The following AMBRA1 variants were observed in gnomAD, a reference collection of about 807,000 sequenced individuals.
AMBRA1 encodes autophagy and beclin 1 regulator 1, also known as activating molecule in BECN1-regulated autophagy protein 1.
AMBRA1 carries 47 observed loss-of-function variants against 125.4 expected under a neutral mutation model. The observed-to-expected ratio is 0.37, with a 90% CI of 0.30 to 0.48. AMBRA1 has a LOEUF of 0.48. Among genes scored for constraint, AMBRA1 ranks in the 20% least tolerant of loss-of-function variants. The pLI is 0.99. For synonymous variants in AMBRA1, 626 were observed against 655.5 expected, an observed-to-expected ratio of 0.95 and a Z score of 0.69; for missense variants, 1,331 against 1,693.4, an observed-to-expected ratio of 0.79 and a Z score of 3.76.
intron 1 of AMBRA1, chr11:46,591,002 C>G (rs1364052821): frequency 1.3e-5 from 2 of 152,144 alleles, no homozygotes. Context: ...TTGATAAGCT[C>G]TATCCCTGTA....
chr11:46,400,760 T>C (rs1173540295), intron 17 of AMBRA1, among the ~76,000 whole-genome samples: 1 of 152,042 alleles, frequency 6.6e-6, no homozygotes, highest in Non-Finnish European at 1.5e-5. Context: ...ATGCTGGGAT[T>C]ACATGGGTGA....
chr11:46,466,381 A>C (rs1363897066), intron 11 of AMBRA1, among the ~76,000 whole-genome samples: 1 of 151,434 alleles, frequency 6.6e-6, no homozygotes. Flanking sequence ...GTATCTAACG[A>C]GGAGACCAAC....
chr11:46,545,898 C>G, intron 4 of AMBRA1, 122 bp from the exon 5 acceptor site: 1 of 849,360 alleles, frequency 1.2e-6, no homozygotes, highest in Non-Finnish European at 1.8e-6. Context: ...TTAAATACAT[C>G]CTCTGTAAAA....
intron 1 of AMBRA1, among the ~76,000 whole-genome samples, chr11:46,584,328 A>T (rs1415283644): frequency 5.7e-5 from 8 of 139,944 alleles, no homozygotes; most frequent in African/African-American, 2.2e-4. Flanking sequence ...AGCAATGAGA[A>T]CACATGGACA....
At chr11:46,409,802 C>T (rs1027223124) in intron 16 of AMBRA1, among the ~76,000 whole-genome samples, 1 of 152,220 alleles carries the variant, frequency 6.6e-6, no homozygotes, top group African/African-American at 2.4e-5. Flanking sequence ...ATCAACAACC[C>T]AGCGCTTTGT....
intron 1 of AMBRA1, among the ~76,000 whole-genome samples, chr11:46,573,658 TTTTTC>T (rs1407001420): frequency 7.3e-6 from 1 of 136,720 alleles, no homozygotes; most frequent in African/African-American, 3.0e-5. Flanking sequence ...AGCAGAATCC[TTTTTC>T]TTTTTTTTTT....
chr11:46,508,447 T>G, intron 8 of AMBRA1, 77 bp from the exon 9 acceptor site: 3 of 1,406,576 alleles, frequency 2.1e-6, no homozygotes, highest in Non-Finnish European at 2.9e-6. Flanking sequence ...AATCCAGCTC[T>G]CCCATGGCAT....
At chr11:46,527,979 C>A (rs1952051514) in intron 7 of AMBRA1, among the ~76,000 whole-genome samples, 1 of 152,134 alleles carries the variant, frequency 6.6e-6, no homozygotes, top group South Asian at 2.1e-4. Flanking sequence ...GAAATGAAAA[C>A]AGGATCTTGA....
At chr11:46,430,843 T>C (rs1425806394) in intron 14 of AMBRA1, among the ~76,000 whole-genome samples, 2 of 152,304 alleles carry the variant, frequency 1.3e-5, no homozygotes, top group East Asian at 1.9e-4. Context: ...AGCATTCCTT[T>C]ATGGTCAGAG....
At chr11:46,565,689 G>A (rs1333574481) in intron 1 of AMBRA1, among the ~76,000 whole-genome samples, 1 of 151,968 alleles carries the variant, frequency 6.6e-6, no homozygotes, top group Non-Finnish European at 1.5e-5. Flanking sequence ...CCTGGGCTCA[G>A]AGCCAGATCA....
At chr11:46,432,589 C>T (rs1471570454) in intron 14 of AMBRA1, among the ~76,000 whole-genome samples, 1 of 152,136 alleles carries the variant, frequency 6.6e-6, no homozygotes, top group Non-Finnish European at 1.5e-5. Flanking sequence ...ACATGCACAG[C>T]ACTAAATGAG....
At chr11:46,510,179 G>A (rs1590988237) in intron 8 of AMBRA1, among the ~76,000 whole-genome samples, 2 of 152,216 alleles carry the variant, frequency 1.3e-5, no homozygotes. Context: ...TAATATCTGT[G>A]TATAGCAAGT....
chr11:46,429,105 A>G, intron 14 of AMBRA1: 2 of 1,606,922 alleles, frequency 1.2e-6, no homozygotes. Flanking sequence ...CCCTCCTTAA[A>G]AAGGAGTTCA....
chr11:46,471,860 T>C (rs1949610165), intron 11 of AMBRA1, among the ~76,000 whole-genome samples: 1 of 152,040 alleles, frequency 6.6e-6, no homozygotes, highest in African/African-American at 2.4e-5. Flanking sequence ...TCTCCTGTCC[T>C]CATGATCCAC....
At chr11:46,573,934 C>G (rs376691998) in intron 1 of AMBRA1, among the ~76,000 whole-genome samples, 1 of 144,436 alleles carries the variant, frequency 6.9e-6, no homozygotes, top group African/African-American at 2.6e-5. Flanking sequence ...TTTGTTCTTG[C>G]GATAGTTTAC....
intron 11 of AMBRA1, among the ~76,000 whole-genome samples, chr11:46,459,771 CA>C (rs1949019082): frequency 1.3e-5 from 2 of 149,626 alleles, no homozygotes; most frequent in African/African-American, 5.1e-5. Context: ...CACACACACA[CA>C]CACCCTGGAA....
intron 1 of AMBRA1, among the ~76,000 whole-genome samples, chr11:46,552,616 C>T (rs2043040761): frequency 6.9e-6 from 1 of 145,404 alleles, no homozygotes; most frequent in Non-Finnish European, 1.5e-5. Flanking sequence ...ACCCGGGAGG[C>T]GGAGGTTGCA....
At chr11:46,417,199 G>A (rs1419089789) in intron 15 of AMBRA1, among the ~76,000 whole-genome samples, 2 of 151,996 alleles carry the variant, frequency 1.3e-5, no homozygotes, top group South Asian at 2.1e-4. Context: ...CTACAGGCAC[G>A]TGCCACTATG....
rs747012025 is a variant in AMBRA1 at position 46,397,808 on chromosome 11, T to C, written c.3539A>G (p.Asn1180Ser). The C allele has an allele frequency of 1.2e-6, 2 of 1,607,842 alleles. No individual in the cohort carries two copies. The highest frequency in any genetic ancestry group is 1.7e-6 in the Non-Finnish European group (2 of 1,179,978). ...TTMASMGGFG[N>S]NIIVSHRIHR... ...AATGCGGTGGCTGACGATGATGTTG[T>C]TGCCGAAGCCGCCCATGGAGGCCAT... The change falls in exon 18 of 18, where the codon AAC becomes AGC. Residue 1180 changes from asparagine (N) to serine (S), a missense_variant. Asn to Ser is a conservative substitution (Grantham distance 46, BLOSUM62 1). Around this residue, in one of 4 missense-constraint regions of AMBRA1, gnomAD observed 354 missense variants for 532.7 expected, o/e 0.66. Coordinates refer to ENST00000683756, the MANE Select transcript of AMBRA1 (RefSeq NM_001387011.1).
Sources: allele counts gnomAD v4.1 joint callset (sites outside exome capture counted in the v4.1 genomes callset), GRCh38; gene constraint gnomAD v4.1.1; regional missense constraint gnomAD v4.1.1; transcripts MANE v1.5; gene names NCBI Gene and HGNC (gene_info 2026-07-23, HGNC 2026-07-21).